The following THSD4 variants were observed in gnomAD, a reference collection of about 807,000 sequenced individuals.
THSD4 encodes thrombospondin type-1 domain-containing protein 4.
A neutral mutation model predicts 119.0 loss-of-function variants in THSD4; 69 were observed. That is an observed-to-expected ratio of 0.58 (90% CI 0.48 to 0.71). The LOEUF (loss-of-function observed/expected upper bound fraction) is 0.71, where lower values mean the gene tolerates loss of function less well. Ranked by LOEUF, THSD4 falls within the 30% of genes least tolerant of loss-of-function variation. The probability of loss-of-function intolerance (pLI) is 0.00; values close to 1 mark genes in which losing one functional copy is unlikely to be tolerated. For missense variants in THSD4, 1,393 were observed against 1,391.1 expected (o/e 1.00, Z -0.02); for synonymous variants, 524 against 540.4 (o/e 0.97, Z 0.42).
intron 7 of THSD4, among the ~76,000 whole-genome samples, chr15:71,448,923 C>T (rs1380058012): frequency 1.3e-5 from 2 of 152,168 alleles, no homozygotes; most frequent in African/African-American, 4.8e-5. Flanking sequence ...ATAGATTGGT[C>T]AAAGGAGAAG....
chr15:71,185,744 G>A (rs145694503), intron 3 of THSD4: 7 of 152,246 alleles, frequency 4.6e-5, no homozygotes, highest in East Asian at 1.9e-4. Flanking sequence ...GGATTTATTC[G>A]TTGATTCAGA....
chr15:71,602,460 G>A (rs1474919528), intron 7 of THSD4, among the ~76,000 whole-genome samples: 2 of 144,238 alleles, frequency 1.4e-5, no homozygotes, highest in African/African-American at 5.1e-5. Context: ...GGCTGAGGCA[G>A]GAGAATCTCT....
chr15:71,413,278 G>C (rs963873389), intron 7 of THSD4, among the ~76,000 whole-genome samples: 1 of 152,208 alleles, frequency 6.6e-6, no homozygotes, highest in East Asian at 1.9e-4. Context: ...CTCCTAAAGT[G>C]TTGGGTTTAC....
intron 4 of THSD4, among the ~76,000 whole-genome samples, chr15:71,241,865 A>G (rs949253491): frequency 1.3e-5 from 2 of 152,190 alleles, no homozygotes; most frequent in East Asian, 3.8e-4. Context: ...CCCAACACAA[A>G]TTCGTAAACT....
At chr15:71,682,033 C>T (rs1365271314) in intron 8 of THSD4, among the ~76,000 whole-genome samples, 2 of 152,202 alleles carry the variant, frequency 1.3e-5, no homozygotes, top group African/African-American at 4.8e-5. Flanking sequence ...TACCATTCAG[C>T]ATGGGGACCC....
chr15:71,223,224 C>T (rs971014483), intron 4 of THSD4, among the ~76,000 whole-genome samples: 6 of 152,156 alleles, frequency 3.9e-5, no homozygotes, highest in Admixed American at 1.3e-4. Flanking sequence ...TTCAAGGTCA[C>T]GCAGAAGGCA....
intron 1 of THSD4, among the ~76,000 whole-genome samples, chr15:71,126,243 C>T (rs2040455045): frequency 6.6e-6 from 1 of 152,200 alleles, no homozygotes; most frequent in Non-Finnish European, 1.5e-5. Context: ...CCCTCTGAGC[C>T]TCCCTGCTGT....
At position 71,304,251 on chromosome 15, in the gene THSD4, C is replaced by G. The variant is rs550886749; in HGVS notation, c.1015+47536C>G. ...CCCATCTGGCTGTGACCAGCTGGGCCTTTGCTCAGGGCTGTCTGTGCTGCT... is the reference window on the plus strand; with the variant it reads ...CCCATCTGGCTGTGACCAGCTGGGCGTTTGCTCAGGGCTGTCTGTGCTGCT... On this transcript the variant is annotated intron_variant, in intron 6 of 17. Coordinates refer to ENST00000261862, the MANE Select transcript of THSD4 (RefSeq NM_024817.3). Among the ~76,000 whole-genome samples, 10 of 152,098 alleles carry G rather than the reference C, an allele frequency of 6.6e-5. No homozygotes were observed. The South Asian group carries it at 2.1e-3, about 32-fold the overall frequency.
intron 3 of THSD4, among the ~76,000 whole-genome samples, chr15:71,156,745 G>A (rs2040782112): frequency 6.6e-6 from 1 of 152,138 alleles, no homozygotes; most frequent in Non-Finnish European, 1.5e-5. Flanking sequence ...AACCTCTATT[G>A]TACTGTATCT....
At chr15:71,131,017 T>G (rs2040499232) in intron 1 of THSD4, among the ~76,000 whole-genome samples, 1 of 152,244 alleles carries the variant, frequency 6.6e-6, no homozygotes, top group Admixed American at 6.5e-5. Flanking sequence ...GTGCTGGGAT[T>G]ACAGGTGTGA....
At chr15:71,220,455 A>G (rs1290215988) in intron 4 of THSD4, among the ~76,000 whole-genome samples, 3 of 152,212 alleles carry the variant, frequency 2.0e-5, no homozygotes, top group Non-Finnish European at 4.4e-5. Flanking sequence ...AGCTTAGGAC[A>G]ATTAAACTTC....
intron 3 of THSD4, among the ~76,000 whole-genome samples, chr15:71,206,901 T>C (rs1472728652): frequency 6.6e-6 from 1 of 152,222 alleles, no homozygotes; most frequent in East Asian, 1.9e-4. Context: ...AGAAAACTTA[T>C]CCTGGGTCCA....
intron 7 of THSD4, among the ~76,000 whole-genome samples, chr15:71,622,706 G>T (rs2050439218): frequency 6.6e-6 from 1 of 152,150 alleles, no homozygotes; most frequent in African/African-American, 2.4e-5. Context: ...AGCAATTTTT[G>T]TAGGAAGTCC....
chr15:71,308,437 G>A (rs1596327750), intron 6 of THSD4, among the ~76,000 whole-genome samples: 1 of 152,258 alleles, frequency 6.6e-6, no homozygotes, highest in African/African-American at 2.4e-5. Flanking sequence ...CAATATTTGG[G>A]CTTGGTTTGA....
intron 7 of THSD4, among the ~76,000 whole-genome samples, chr15:71,594,659 G>A (rs766324225): frequency 3.9e-5 from 6 of 152,032 alleles, no homozygotes; most frequent in Non-Finnish European, 8.8e-5. Context: ...CAGCAGACAT[G>A]GGAAAGCTGT....
chr15:71,474,191 A>G (rs952135832), intron 7 of THSD4, among the ~76,000 whole-genome samples: 1 of 151,982 alleles, frequency 6.6e-6, no homozygotes, highest in African/African-American at 2.4e-5. Flanking sequence ...GGAACATTAC[A>G]GCACATATTG....
chr15:71,757,873 G>C (rs754807557), intron 14 of THSD4, 29 bp from the exon 15 acceptor site: 1 of 1,610,980 alleles, frequency 6.2e-7, no homozygotes, highest in Admixed American at 1.7e-5. Flanking sequence ...AGGGCCTCCT[G>C]ACTAATGTGC....
At chr15:71,755,706 CAAAAAAAAAAAAAAA>C (rs10555546) in intron 14 of THSD4, among the ~76,000 whole-genome samples, 21 of 50,286 alleles carry the variant, frequency 4.2e-4, no homozygotes, top group African/African-American at 8.0e-4. Flanking sequence ...TCAGCAAAGA[CAAAAAAAAAAAAAAA>C]AAAAAAAAAA....
intron 8 of THSD4, among the ~76,000 whole-genome samples, chr15:71,717,686 A>G (rs2052636508): frequency 6.6e-6 from 1 of 152,158 alleles, no homozygotes; most frequent in African/African-American, 2.4e-5. Flanking sequence ...AGTTAGAAGC[A>G]GGAGCTAGCA....
Sources: allele counts gnomAD v4.1 joint callset (sites outside exome capture counted in the v4.1 genomes callset), GRCh38; gene constraint gnomAD v4.1.1; transcripts MANE v1.5; gene names NCBI Gene and HGNC (gene_info 2026-07-23, HGNC 2026-07-21).